The following DAAM2 variants were observed in gnomAD, a reference collection of about 807,000 sequenced individuals.
The protein encoded by DAAM2 is disheveled-associated activator of morphogenesis 2.
Under a neutral mutation model 120.7 loss-of-function variants are expected in DAAM2, and 39 were observed. The observed-to-expected ratio is 0.32, with a 90% CI of 0.25 to 0.42. DAAM2 has a LOEUF of 0.42. Among genes scored for constraint, DAAM2 ranks in the 10% least tolerant of loss-of-function variants. DAAM2 has a pLI of 1.00. For missense variants in DAAM2, 1,283 were observed against 1,401.7 expected (o/e 0.92, Z 1.35); for synonymous variants, 488 against 524.9 (o/e 0.93, Z 0.96).
rs1408713540 is a variant in DAAM2, at chr6:39,901,610, G to C, written c.2982+138G>C. The stretch of plus-strand genomic sequence containing the variant: ...CATAGGGGTTGGATGTCAGCCCCAG[G>C]AGAGAGAAACTTCTTCCCAGCCTGA... On this transcript the variant is annotated intron_variant, in intron 24 of 24. Coordinates refer to ENST00000274867, the MANE Select transcript of DAAM2 (RefSeq NM_001201427.2). The surrounding 1 kb of genome is among the most constrained non-coding windows in gnomAD (Gnocchi z 4.5). 1.8e-6 allele frequency: 2 copies of C among 1,100,990 alleles called. No individual in the cohort carries two copies. Among genetic ancestry groups the C allele is most frequent in the Non-Finnish European group, 2.5e-6 (2 of 791,356 alleles). The allele number at this position is 1,100,990 out of a possible 1,614,324, so 68.2% of individuals were successfully genotyped here.
intron 1 of DAAM2, among the ~76,000 whole-genome samples, chr6:39,800,000 A>G (rs972923412): frequency 2.0e-5 from 3 of 152,154 alleles, no homozygotes; most frequent in African/African-American, 7.2e-5. Flanking sequence ...TCCCTTGACC[A>G]TATGTCAAGG....
Position 39,875,310 on chromosome 6 carries a change from T to G in DAAM2, c.1163-20T>G. Reference sequence around the variant, plus strand: ...GGGACTTCAGGACTCAGGAAAGATATGATACCTGTCATCCCTCAGACAAAC... The same window carrying G: ...GGGACTTCAGGACTCAGGAAAGATAGGATACCTGTCATCCCTCAGACAAAC... On this transcript the variant is annotated intron_variant, in intron 10 of 24. Transcript: ENST00000274867. The G allele has an allele frequency of 1.2e-6, 2 of 1,611,366 alleles. No individual in the cohort carries two copies. Among genetic ancestry groups the G allele is most frequent in the Non-Finnish European group, 8.5e-7 (1 of 1,178,478 alleles).
chr6:39,888,536 G>T, intron 16 of DAAM2, 143 bp from the exon 17 acceptor site: 2 of 603,696 alleles, frequency 3.3e-6, no homozygotes, highest in South Asian at 5.2e-5. Context: ...TCTAATCTAA[G>T]AAGGCTTTGT....
chr6:39,831,919 G>A (rs1207496764), intron 1 of DAAM2, among the ~76,000 whole-genome samples: 1 of 109,628 alleles, frequency 9.1e-6, no homozygotes, highest in African/African-American at 3.9e-5. Context: ...TGCACTGAAG[G>A]GGCAGATGCA....
rs112964237 is a variant in DAAM2 at position 39,904,138 on chromosome 6, C to T, written c.*2101C>T. 153 of 453,652 alleles carry T rather than the reference C, an allele frequency of 3.4e-4. No homozygotes were observed. Among genetic ancestry groups the T allele is most frequent in the African/African-American group, 2.1e-3 (105 of 49,958 alleles). 28.1% of individuals were successfully genotyped at this position (453,652 alleles called of 1,614,324 possible). A position where few individuals can be genotyped will look rare whatever the true frequency, so the allele number is the denominator to read the frequency against. ...CCCACCCACCATGGAAGACTGGATA[C>T]GCACCTGGAAACAAAAGGACTATGG... On this transcript the variant is annotated 3_prime_UTR_variant, in exon 25 of 25. Transcript: ENST00000274867.
chr6:39,838,160 C>A (rs954526192), intron 1 of DAAM2, among the ~76,000 whole-genome samples: 2 of 152,316 alleles, frequency 1.3e-5, no homozygotes, highest in South Asian at 4.1e-4. Context: ...AGCAATCTGA[C>A]CTCACCTGGT....
Position 39,904,578 on chromosome 6 carries a change from G to GAAATAAAT in DAAM2, c.*2548_*2549insTAAATAAA, listed in dbSNP as rs112997952. On this transcript the variant is annotated 3_prime_UTR_variant, in exon 25 of 25. Transcript: ENST00000274867. Reference sequence around the variant, plus strand: ...TCAGCAGCATTTCTCCCCTGTGATGGAAATAAAGTGTTTAGGGCAGTGGGA... The same window carrying GAAATAAAT: ...TCAGCAGCATTTCTCCCCTGTGATGGAAATAAATAAATAAAGTGTTTAGGGCAGTGGGA... 4 of 454,072 alleles carry GAAATAAAT rather than the reference G, an allele frequency of 8.8e-6. No individual in the cohort carries two copies. In the East Asian group the frequency reaches 2.8e-4, roughly 32 times the overall value. 28.1% of individuals were successfully genotyped at this position (454,072 alleles called of 1,614,324 possible).
chr6:39,886,747 G>A (rs1014048646), intron 15 of DAAM2: 2 of 326,194 alleles, frequency 6.1e-6, no homozygotes, highest in Non-Finnish European at 1.1e-5. Flanking sequence ...GACACACAGG[G>A]TAGGCACGAC....
chr6:39,875,583 G>T, intron 11 of DAAM2, 115 bp downstream of exon 11: 1 of 1,282,202 alleles, frequency 7.8e-7, no homozygotes. Context: ...CCCGAAATGA[G>T]TCTTGGGCAG....
At chr6:39,885,376 C>T (rs1405167924) in intron 15 of DAAM2, 2 of 102,468 alleles carry the variant, frequency 2.0e-5, no homozygotes, top group African/African-American at 6.4e-5. Context: ...GCCAATTCTC[C>T]ACGAGTGGGG....
At chr6:39,882,161 A>T (rs1212210702) in intron 14 of DAAM2, 1 of 152,240 alleles carries the variant, frequency 6.6e-6, no homozygotes, top group Non-Finnish European at 1.5e-5. Flanking sequence ...TGGGAAAATT[A>T]AATTTGAAAA....
chr6:39,867,221 A>G (rs560361418), intron 5 of DAAM2: 2 of 402,984 alleles, frequency 5.0e-6, no homozygotes, highest in Non-Finnish European at 9.3e-6. Context: ...TTCAGGTTTA[A>G]CAGCTCTGAT....
chr6:39,873,319 C>T lies in DAAM2; in HGVS notation c.1126C>T (p.Leu376=), dbSNP rs1562043603. 1.2e-6 allele frequency: 2 copies of T among 1,613,510 alleles called. No individual in the cohort carries two copies. The highest frequency in any genetic ancestry group is 1.7e-6 in the Non-Finnish European group (2 of 1,179,636). Residue 376 remains leucine, a synonymous_variant, in exon 10 of 25, where the codon CTG becomes TTG. Transcript: ENST00000274867. ...KLKYTEAYPC[L]LSVLHHCLQM... The stretch of plus-strand genomic sequence containing the variant: ...GAAGTACACGGAGGCCTACCCCTGC[C>T]TGCTCTCTGTGCTGCACCACTGCCT...
intron 8 of DAAM2, 37 bp from the exon 9 acceptor site, chr6:39,871,469 G>A (rs1210086588): frequency 5.9e-6 from 9 of 1,535,410 alleles, no homozygotes; most frequent in Non-Finnish European, 7.9e-6. Context: ...TGTCCTGGCT[G>A]TAATGTCTAC....
At position 39,868,898 on chromosome 6, in the gene DAAM2, T is replaced by C. The variant is rs1244168082; in HGVS notation, c.838T>C (p.Phe280Leu). The C allele has an allele frequency of 2.5e-6, 4 of 1,585,828 alleles. No individual in the cohort carries two copies. The highest frequency in any genetic ancestry group is 2.6e-6 in the Non-Finnish European group (3 of 1,166,066). Residue 280 changes from phenylalanine (F) to leucine (L), a missense_variant, in exon 7 of 25, where the codon TTC (phenylalanine) becomes CTC (leucine). Physicochemically the swap from Phe to Leu is conservative, Grantham distance 22. Around this residue, in one of 3 missense-constraint regions of DAAM2, gnomAD observed 338 missense variants for 443.9 expected, o/e 0.76. Coordinates refer to ENST00000274867, the MANE Select transcript of DAAM2 (RefSeq NM_001201427.2). ...GAATCTGAAAACAGCCATCATGTCC[T>C]TCATCAATGCTGTCCTCAATGCTGG... ...EVNLKTAIMS[F>L]INAVLNAGAG... is the part of the protein sequence containing the mutation.
chr6:39,830,229 G>A (rs1203977871), intron 1 of DAAM2, among the ~76,000 whole-genome samples: 3 of 152,206 alleles, frequency 2.0e-5, no homozygotes, highest in Non-Finnish European at 4.4e-5. Context: ...CATTCACACT[G>A]AAGCCTGTGT....
At chr6:39,890,575 G>C (rs1354192618) in intron 17 of DAAM2, among the ~76,000 whole-genome samples, 1 of 152,190 alleles carries the variant, frequency 6.6e-6, no homozygotes, top group Non-Finnish European at 1.5e-5. Flanking sequence ...ATTCAGTTGA[G>C]AGCCTATATT....
rs765783681 is a variant in DAAM2 at position 39,904,447 on chromosome 6, C to G, written c.*2410C>G. Reference sequence around the variant, plus strand: ...CTTAATAGGTTGTTTCTTGGTCTTGCTTTCTTCATGCCCTCCCCACTGCTC... The same window carrying G: ...CTTAATAGGTTGTTTCTTGGTCTTGGTTTCTTCATGCCCTCCCCACTGCTC... On this transcript the variant is annotated 3_prime_UTR_variant, in exon 25 of 25. Coordinates refer to ENST00000274867, the MANE Select transcript of DAAM2 (RefSeq NM_001201427.2). 42 of 454,574 alleles carry G rather than the reference C, an allele frequency of 9.2e-5. No homozygotes were observed. The highest frequency in any genetic ancestry group is 6.4e-4 in the South Asian group (41 of 64,486). The allele number at this position is 454,574 out of a possible 1,614,324, so 28.2% of individuals were successfully genotyped here.
chr6:39,866,020 C>CCACCCTT (rs1214967843), intron 5 of DAAM2, among the ~76,000 whole-genome samples: 1 of 152,182 alleles, frequency 6.6e-6, no homozygotes, highest in Non-Finnish European at 1.5e-5. Context: ...CAATCAGGAG[C>CCACCCTT]CACCCTTCAC....
Sources: gnomAD v4.1 joint callset for allele counts (sites outside exome capture counted in the v4.1 genomes callset) on GRCh38, gnomAD v4.1.1 for gene constraint, gnomAD v4.1.1 regional missense constraint, Gnocchi (gnomAD v3.1) non-coding constraint, MANE v1.5 for transcripts, NCBI Gene and HGNC (gene_info 2026-07-23, HGNC 2026-07-21) for gene names.